Variants in BCL9L observed in about 807,000 individuals in gnomAD.
BCL9L encodes the protein B-cell CLL/lymphoma 9-like protein.
A neutral mutation model predicts 99.4 loss-of-function variants in BCL9L; 19 were observed. The ratio of observed to expected loss-of-function variants is 0.19; its 90% CI spans 0.13 to 0.28. The LOEUF is 0.28. BCL9L is among the 10% of genes least tolerant of loss of function. The probability of loss-of-function intolerance (pLI) is 1.00; values close to 1 mark genes in which losing one functional copy is unlikely to be tolerated. For missense variants in BCL9L, 2,023 were observed against 2,101.6 expected (o/e 0.96, Z 0.73); for synonymous variants, 900 against 854.8 (o/e 1.05, Z -0.92).
chr11:118,905,523 A>AG (rs1311703174), intron 5 of BCL9L, among the ~76,000 whole-genome samples: 2 of 147,436 alleles, frequency 1.4e-5, no homozygotes, highest in Non-Finnish European at 3.0e-5. Context: ...AAAAAAAAAA[A>AG]AAAAAAAAAA....
chr11:118,908,329 G>C lies in BCL9L; in HGVS notation c.353C>G (p.Ser118Cys), dbSNP rs1940617118. ...KGKVKRDRSV[S>C]VDSGEQREAG... ...CTCTCGCTGCTCTCCAGAGTCCACA[G>C]ACACACTCCGGTCCCTCTTCACCTT... Residue 118 changes from serine (S) to cysteine (C), a missense_variant, in exon 4 of 10, where the codon TCT becomes TGT. Physicochemically the swap from Ser to Cys is moderately radical, Grantham distance 112 (BLOSUM62 -1). This residue lies in a region of BCL9L where 1,116 missense variants were observed against 1,194.6 expected (regional missense o/e 0.93). Coordinates refer to ENST00000683865, the MANE Select transcript of BCL9L (RefSeq NM_001378213.1). 1 of 1,604,740 alleles carries C rather than the reference G, an allele frequency of 6.2e-7. No individual in the cohort carries two copies. The highest frequency in any genetic ancestry group is 1.1e-5 in the South Asian group (1 of 89,868).
chr11:118,908,278 T>C lies in BCL9L; in HGVS notation c.404A>G (p.Glu135Gly). Reference sequence around the variant, plus strand: ...ATGAGGAAATGGGGTACCTTTGGCCTCTGAATCCAGGGATGGGGTCCCAGC... The same window carrying C: ...ATGAGGAAATGGGGTACCTTTGGCCCCTGAATCCAGGGATGGGGTCCCAGC... ...REAGTPSLDS[E>G]AKEVAPRSKR... The change falls in exon 4 of 10, where the codon GAG (glutamate) becomes GGG (glycine). Residue 135 changes from glutamate (E) to glycine (G), a missense_variant. Physicochemically the swap from Glu to Gly is moderately conservative, Grantham distance 98. Transcript: ENST00000683865. The C allele has an allele frequency of 6.5e-7, 1 of 1,549,500 alleles. No individual in the cohort carries two copies. The highest frequency in any genetic ancestry group is 8.7e-7 in the Non-Finnish European group (1 of 1,146,866).
At chr11:118,905,482 C>T (rs1001456669) in intron 5 of BCL9L, among the ~76,000 whole-genome samples, 1 of 142,156 alleles carries the variant, frequency 7.0e-6, no homozygotes, top group Non-Finnish European at 1.5e-5. Flanking sequence ...GCACTCCAGC[C>T]TGGGCAACAG....
chr11:118,901,427 C>A lies in BCL9L; in HGVS notation c.2316G>T (p.Met772Ile). The A allele has an allele frequency of 6.2e-7, 1 of 1,614,070 alleles. No homozygotes were observed. The highest frequency in any genetic ancestry group is 1.7e-5 in the Admixed American group (1 of 60,016). The part of the protein sequence containing the change: ...DPPMGPGNLN[M>I]NMNVNMNMNM... ...TCATGTTCATGTTGACATTCATGTTCATGTTGAGGTTGCCTGGCCCCATGG... is the reference window on the plus strand; with the variant it reads ...TCATGTTCATGTTGACATTCATGTTAATGTTGAGGTTGCCTGGCCCCATGG... Residue 772 changes from methionine (M) to isoleucine (I), a missense_variant, in exon 8 of 10, where the codon ATG (methionine) becomes ATT (isoleucine). Transcript: ENST00000683865. This position sits in a 1 kb window ranked among gnomAD's most constrained non-coding sequence, Gnocchi z 6.6.
Position 118,903,317 on chromosome 11 carries a change from C to T in BCL9L, c.668G>A (p.Gly223Glu). The change falls in exon 6 of 10, where the codon GGG (glycine) becomes GAG (glutamate). Residue 223 changes from glycine (G) to glutamate (E), a missense_variant. By Grantham distance (98) the Gly-to-Glu change is moderately conservative. Around this residue, in one of 3 missense-constraint regions of BCL9L, gnomAD observed 1,116 missense variants for 1,194.6 expected, o/e 0.93. Coordinates refer to ENST00000683865, the MANE Select transcript of BCL9L (RefSeq NM_001378213.1). The surrounding 1 kb of genome is among the most constrained non-coding windows in gnomAD (Gnocchi z 5.6). ...PPPGLRPDAP[G>E]GGGGGGGVPG... The stretch of plus-strand genomic sequence containing the variant: ...GACGCCCCCGCCCCCGCCCCCGCCC[C>T]CAGGGGCATCAGGCCGAAGGCCAGG... 5 of 1,583,518 alleles carry T rather than the reference C, an allele frequency of 3.2e-6. No individual in the cohort carries two copies. Among genetic ancestry groups the T allele is most frequent in the Non-Finnish European group, 4.3e-6 (5 of 1,166,184 alleles).
chr11:118,899,279 C>T lies in BCL9L; in HGVS notation c.3636G>A (p.Leu1212=), dbSNP rs372313143. ...MMMAPGGPDS[L]NAPCGPVPSS... ...TGGGCACTGGGCCACAGGGGGCATT[C>T]AGGGAGTCGGGGCCCCCTGGGGCCA... Residue 1212 remains leucine, a synonymous_variant, in exon 10 of 10, where the codon CTG becomes CTA. Transcript: ENST00000683865. The T allele has an allele frequency of 2.4e-5, 36 of 1,529,752 alleles. No homozygotes were observed. Among genetic ancestry groups the T allele is most frequent in the Non-Finnish European group, 3.2e-5 (36 of 1,139,722 alleles). 94.8% of individuals were successfully genotyped at this position (1,529,752 alleles called of 1,614,324 possible). A position where few individuals can be genotyped will look rare whatever the true frequency, so the allele number is the denominator to read the frequency against.
chr11:118,901,099 C>A lies in BCL9L; in HGVS notation c.2644G>T (p.Val882Leu), dbSNP rs139305154. The change falls in exon 8 of 10, where the codon GTG becomes TTG. Residue 882 changes from valine to leucine, a missense_variant. Coordinates refer to ENST00000683865, the MANE Select transcript of BCL9L (RefSeq NM_001378213.1). This position sits in a 1 kb window ranked among gnomAD's most constrained non-coding sequence, Gnocchi z 6.6. ...ATGTGGCTGAGCCGGGTGGTGCCCA[C>A]GTTGCTCATGGGCATTGAGCTCTGA... ...PDQSSMPMSN[V>L]GTTRLSHMPL... 8.1e-6 allele frequency: 13 copies of A among 1,608,700 alleles called. No individual in the cohort carries two copies. In the African/African-American group the frequency reaches 1.5e-4, roughly 18 times the overall value.
chr11:118,903,416 T>C lies in BCL9L; in HGVS notation c.569A>G (p.Gln190Arg), dbSNP rs1407357038. The change falls in exon 6 of 10, where the codon CAG becomes CGG. Residue 190 changes from glutamine (Q) to arginine (R), a missense_variant. Around this residue, in one of 3 missense-constraint regions of BCL9L, gnomAD observed 1,116 missense variants for 1,194.6 expected, o/e 0.93. Coordinates refer to ENST00000683865, the MANE Select transcript of BCL9L (RefSeq NM_001378213.1). This position sits in a 1 kb window ranked among gnomAD's most constrained non-coding sequence, Gnocchi z 5.6. ...NVADPAMAAP[Q>R]LGPGQTTQLP... ...TTGGGTGGTTTGGCCGGGACCCAGCTGTGGGGCCGCCATGGCTGGGTCTGC... is the reference window on the plus strand; with the variant it reads ...TTGGGTGGTTTGGCCGGGACCCAGCCGTGGGGCCGCCATGGCTGGGTCTGC... The C allele has an allele frequency of 6.2e-7, 1 of 1,612,898 alleles. No homozygotes were observed.
Position 118,925,109 on chromosome 11 carries a change from T to G in BCL9L, c.-131+129A>C, listed in dbSNP as rs1187168067. ...GGAGTCCCCCACACCTTAAACAGCC[T>G]GGGGGTACGTGCCAGAGAGCAAGAG... On this transcript the variant is annotated intron_variant, in intron 1 of 9. Transcript: ENST00000683865. The surrounding 1 kb of genome is among the most constrained non-coding windows in gnomAD (Gnocchi z 6.4). 1 of 152,298 alleles carries G rather than the reference T, an allele frequency of 6.6e-6. No homozygotes were observed. The highest frequency in any genetic ancestry group is 1.5e-5 in the Non-Finnish European group (1 of 68,150). 9.4% of individuals were successfully genotyped at this position (152,298 alleles called of 1,614,324 possible).
Position 118,902,101 on chromosome 11 carries a change from C to A in BCL9L, c.1642G>T (p.Asp548Tyr), listed in dbSNP as rs775807263. ...ATCATGCCCCCCATGCCCATCATGT[C>A]CTGCAGAGGACGGCTCCCATGCAGC... ...IGLHGSRPLQDMMGMGGMMVR... is the reference protein window; with the variant it reads ...IGLHGSRPLQYMMGMGGMMVR... The change falls in exon 8 of 10, where the codon GAC becomes TAC. Residue 548 changes from aspartate (D) to tyrosine (Y), a missense_variant. Around this residue, in one of 3 missense-constraint regions of BCL9L, gnomAD observed 1,116 missense variants for 1,194.6 expected, o/e 0.93. Coordinates refer to ENST00000683865, the MANE Select transcript of BCL9L (RefSeq NM_001378213.1). The surrounding 1 kb of genome is among the most constrained non-coding windows in gnomAD (Gnocchi z 7.8). 2.5e-6 allele frequency: 4 copies of A among 1,614,054 alleles called. No individual in the cohort carries two copies. The highest frequency in any genetic ancestry group is 3.4e-6 in the Non-Finnish European group (4 of 1,179,994).
At position 118,898,157 on chromosome 11, in the gene BCL9L, A is replaced by C; in HGVS notation, c.*258T>G. ...GGTAAAATAGAGAGGCTCCATAGGA[A>C]TTGGGAGGAGTGGGGGAGGGGCAGT... On this transcript the variant is annotated 3_prime_UTR_variant, in exon 10 of 10. Transcript: ENST00000683865. The C allele has an allele frequency of 6.9e-6, 4 of 580,474 alleles. No homozygotes were observed. The highest frequency in any genetic ancestry group is 2.9e-5 in the East Asian group (1 of 34,166). The allele number at this position is 580,474 out of a possible 1,614,324, so 36.0% of individuals were successfully genotyped here.
chr11:118,903,275 G>A lies in BCL9L; in HGVS notation c.710C>T (p.Ser237Leu), dbSNP rs1334778471. 16 of 1,585,812 alleles carry A rather than the reference G, an allele frequency of 1.0e-5. No homozygotes were observed. Among genetic ancestry groups the A allele is most frequent in the South Asian group, 6.9e-5 (6 of 87,210 alleles). Reference sequence around the variant, plus strand: ...GGTGGTGAAGACATATACGAACTGCGAGGGAGGCTTTCCGGGGACGCCCCC... The same window carrying A: ...GGTGGTGAAGACATATACGAACTGCAAGGGAGGCTTTCCGGGGACGCCCCC... ...GGGGVPGKPP[S>L]QFVYVFTTHL... Residue 237 changes from serine (S) to leucine (L), a missense_variant, in exon 6 of 10, where the codon TCG becomes TTG. By Grantham distance (145) the Ser-to-Leu change is moderately radical. Around this residue, in one of 3 missense-constraint regions of BCL9L, gnomAD observed 1,116 missense variants for 1,194.6 expected, o/e 0.93. Transcript: ENST00000683865. The surrounding 1 kb of genome is among the most constrained non-coding windows in gnomAD (Gnocchi z 5.6).
rs1490591971 is a variant in BCL9L, at chr11:118,902,878, G to A, written c.865C>T (p.Leu289=). ...APKVPPTPEP[L]PLSTPSAGTP... is the part of the protein sequence containing the mutation. Reference sequence around the variant, plus strand: ...CCTGCTGACGGCGTGCTCAGGGGTAGCGGTTCTGGGGTGGGGGGCACTTTA... The same window carrying A: ...CCTGCTGACGGCGTGCTCAGGGGTAACGGTTCTGGGGTGGGGGGCACTTTA... The change falls in exon 8 of 10, where the codon CTA becomes TTA. Residue 289 remains leucine (L), a synonymous_variant. Coordinates refer to ENST00000683865, the MANE Select transcript of BCL9L (RefSeq NM_001378213.1). The surrounding 1 kb of genome is among the most constrained non-coding windows in gnomAD (Gnocchi z 7.8). 2 of 1,560,856 alleles carry A rather than the reference G, an allele frequency of 1.3e-6. No individual in the cohort carries two copies. The highest frequency in any genetic ancestry group is 1.7e-6 in the Non-Finnish European group (2 of 1,159,004).
At chr11:118,908,132 A>G in intron 4 of BCL9L, 138 bp downstream of exon 4, 1 of 1,252,988 alleles carries the variant, frequency 8.0e-7, no homozygotes, top group Non-Finnish European at 1.1e-6. Context: ...GGGTGTTGAA[A>G]GGTACCCATG....
At chr11:118,904,298 G>A (rs1940414348) in intron 5 of BCL9L, among the ~76,000 whole-genome samples, 1 of 151,952 alleles carries the variant, frequency 6.6e-6, no homozygotes, top group African/African-American at 2.4e-5. Flanking sequence ...AAAATTAACT[G>A]GGCATGGTGG....
At chr11:118,906,124 T>G (rs553939577) in intron 5 of BCL9L, among the ~76,000 whole-genome samples, 2 of 151,408 alleles carry the variant, frequency 1.3e-5, no homozygotes, top group Admixed American at 1.3e-4. Context: ...AGCTCAGGAG[T>G]TTGAGGTTGC....
chr11:118,910,043 C>T (rs1383159028), intron 2 of BCL9L, 28 bp from the exon 3 acceptor site: 2 of 1,530,602 alleles, frequency 1.3e-6, no homozygotes, highest in Non-Finnish European at 1.8e-6. Flanking sequence ...AAAGAGAAAA[C>T]TCGTGACTTG....
At chr11:118,917,415 A>C (rs1345563733) in intron 2 of BCL9L, among the ~76,000 whole-genome samples, 1 of 152,222 alleles carries the variant, frequency 6.6e-6, no homozygotes, top group East Asian at 1.9e-4. Context: ...AAGTATTCTT[A>C]TTATCCTCAC....
chr11:118,911,358 G>A lies in BCL9L; in HGVS notation c.-76-1343C>T. ...TGGGCGGGGACCTGGGGGTGAGGGG[G>A]CCCCACCTGCCACCCTGCGGGAGTC... On this transcript the variant is annotated intron_variant, in intron 2 of 9. Transcript: ENST00000683865. The A allele has an allele frequency of 1.4e-5, 6 of 427,492 alleles. No individual in the cohort carries two copies. In the Admixed American group the frequency reaches 1.5e-4, roughly 10 times the overall value. 26.5% of individuals were successfully genotyped at this position (427,492 alleles called of 1,614,324 possible).
Sources: allele counts gnomAD v4.1 joint callset (sites outside exome capture counted in the v4.1 genomes callset), GRCh38; gene constraint gnomAD v4.1.1; regional missense constraint gnomAD v4.1.1; non-coding constraint Gnocchi (gnomAD v3.1); transcripts MANE v1.5; gene names NCBI Gene and HGNC (gene_info 2026-07-23, HGNC 2026-07-21).